TMEM132A: variants seen among roughly 807,000 people sequenced by gnomAD.
TMEM132A encodes transmembrane protein 132A, also known as GRP78-binding protein.
A neutral mutation model predicts 69.9 loss-of-function variants in TMEM132A; 48 were observed. The observed-to-expected ratio is 0.69, with a 90% CI of 0.55 to 0.87. The LOEUF is 0.87. TMEM132A is among the 40% of genes least tolerant of loss of function. The pLI, the probability that TMEM132A is intolerant of heterozygous loss-of-function variation, is 0.00. For synonymous variants in TMEM132A, 577 were observed against 613.7 expected (o/e 0.94, Z 0.88); for missense variants, 1,287 against 1,407.2 (o/e 0.91, Z 1.37).
intron 1 of TMEM132A, 142 bp downstream of exon 1, chr11:60,924,875 G>A (rs1293203799): frequency 8.1e-6 from 5 of 617,236 alleles, no homozygotes; most frequent in East Asian, 3.3e-5. Context: ...AGGTCGGAGA[G>A]TTCTTGCCCT....
intron 5 of TMEM132A, among the ~76,000 whole-genome samples, chr11:60,931,277 T>C (rs1027063508): frequency 2.0e-5 from 3 of 152,126 alleles, no homozygotes; most frequent in African/African-American, 4.8e-5. Context: ...AGCACATAGG[T>C]TTTTGTTTGA....
intron 4 of TMEM132A, among the ~76,000 whole-genome samples, chr11:60,929,196 C>T (rs1856422367): frequency 6.6e-6 from 1 of 152,226 alleles, no homozygotes; most frequent in African/African-American, 2.4e-5. Flanking sequence ...CTGGCACCTC[C>T]CTGAGATTCC....
chr11:60,931,899 A>T lies in TMEM132A; in HGVS notation c.1212+15A>T. The T allele has an allele frequency of 6.2e-7, 1 of 1,614,200 alleles. No homozygotes were observed. Among genetic ancestry groups the T allele is most frequent in the Non-Finnish European group, 8.5e-7 (1 of 1,180,028 alleles). ...CACTGGCCAAGGTAAGGAGACCTCC[A>T]TCTCTGCCTGGGAAGGCTGGAGGCC... On this transcript the variant is annotated intron_variant, in intron 6 of 10. Coordinates refer to ENST00000453848, the MANE Select transcript of TMEM132A (RefSeq NM_178031.3).
At position 60,935,684 on chromosome 11, in the gene TMEM132A, G is replaced by C; in HGVS notation, c.2029-180G>C. Reference sequence around the variant, plus strand: ...ACCCTCCCAATAACTCAGACCCTAGGGCTGAGTGGCAGACAGGTGATTGAC... The same window carrying C: ...ACCCTCCCAATAACTCAGACCCTAGCGCTGAGTGGCAGACAGGTGATTGAC... On this transcript the variant is annotated intron_variant, in intron 10 of 10. Transcript: ENST00000453848. This position sits in a 1 kb window ranked among gnomAD's most constrained non-coding sequence, Gnocchi z 5.0. 1.2e-6 allele frequency: 1 copy of C among 832,826 alleles called. No individual in the cohort carries two copies. Among genetic ancestry groups the C allele is most frequent in the Non-Finnish European group, 1.9e-6 (1 of 539,756 alleles). 51.6% of individuals were successfully genotyped at this position (832,826 alleles called of 1,614,324 possible).
rs1033276643 is a variant in TMEM132A, at chr11:60,934,248, G to T, written c.1560-240G>T. On this transcript the variant is annotated intron_variant, in intron 8 of 10. Transcript: ENST00000453848. Reference sequence around the variant, plus strand: ...CCCCGTAAGAGAGCGTCTCCCCTGCGGTCCACTTGGGAGCAAGAGCGGTGA... The same window carrying T: ...CCCCGTAAGAGAGCGTCTCCCCTGCTGTCCACTTGGGAGCAAGAGCGGTGA... The T allele has an allele frequency of 9.6e-6, 4 of 415,840 alleles. No homozygotes were observed. In the Admixed American group the frequency reaches 1.8e-4, roughly 19 times the overall value. 25.8% of individuals were successfully genotyped at this position (415,840 alleles called of 1,614,324 possible).
In TMEM132A at chr11:60,936,893, C is replaced by G. The variant is rs1364819356; in HGVS notation, c.3058C>G (p.Arg1020Gly). ...GCTTCGCAACTACATGGAGAGGATC[C>G]GGGGCAGCTCCTGACCCTCCACAGC... Reference protein sequence around the residue: ...EELRNYMERIRGSS With the variant: ...EELRNYMERIGGSS The change falls in exon 11 of 11, where the codon CGG (arginine) becomes GGG (glycine). Residue 1020 changes from arginine to glycine, a missense_variant. Coordinates refer to ENST00000453848, the MANE Select transcript of TMEM132A (RefSeq NM_178031.3). The G allele has an allele frequency of 3.9e-6, 6 of 1,550,178 alleles. No individual in the cohort carries two copies. The highest frequency in any genetic ancestry group is 5.2e-6 in the Non-Finnish European group (6 of 1,147,862).
In TMEM132A at chr11:60,936,267, T is replaced by C; in HGVS notation, c.2432T>C (p.Phe811Ser). The C allele has an allele frequency of 6.2e-7, 1 of 1,613,928 alleles. No individual in the cohort carries two copies. Among genetic ancestry groups the C allele is most frequent in the Non-Finnish European group, 8.5e-7 (1 of 1,179,928 alleles). Residue 811 changes from phenylalanine (F) to serine (S), a missense_variant, in exon 11 of 11, where the codon TTT becomes TCT. Transcript: ENST00000453848. Reference sequence around the variant, plus strand: ...GGCAACACAGGTGTGAGGGGCAAGTTTGAGCGGGCAGAGGAGGAGGCCAGG... The same window carrying C: ...GGCAACACAGGTGTGAGGGGCAAGTCTGAGCGGGCAGAGGAGGAGGCCAGG... The part of the protein sequence containing the change: ...VGGNTGVRGK[F>S]ERAEEEARKE...
rs73493071 is a variant in TMEM132A at position 60,930,405 on chromosome 11, G to A, written c.867-105G>A. 10,343 of 1,341,440 alleles carry A rather than the reference G, an allele frequency of 7.7e-3. 414 individuals carry two copies. The African/African-American group carries it at 0.096, about 12-fold the overall frequency. The allele number at this position is 1,341,440 out of a possible 1,614,324, so 83.1% of individuals were successfully genotyped here. A position where few individuals can be genotyped will look rare whatever the true frequency, so the allele number is the denominator to read the frequency against. On this transcript the variant is annotated intron_variant, in intron 4 of 10. Coordinates refer to ENST00000453848, the MANE Select transcript of TMEM132A (RefSeq NM_178031.3). ...GGATGGTGAAGAGGAGATTCAGACT[G>A]GAGCCAGGGAGGTCAGATGGCTTTG...
intron 8 of TMEM132A, 95 bp from the exon 9 acceptor site, chr11:60,934,393 C>T (rs917603000): frequency 7.8e-6 from 9 of 1,154,782 alleles, no homozygotes; most frequent in African/African-American, 1.6e-5. Flanking sequence ...GATTAGGAGC[C>T]GCCGGGGACG....
intron 4 of TMEM132A, among the ~76,000 whole-genome samples, 193 bp from the exon 5 acceptor site, chr11:60,930,317 T>C (rs966428125): frequency 6.6e-6 from 1 of 151,950 alleles, no homozygotes; most frequent in African/African-American, 2.4e-5. Context: ...GCGTAAGTGG[T>C]CTTTGGGTGG....
chr11:60,928,963 G>A lies in TMEM132A; in HGVS notation c.866+3G>A, dbSNP rs766448338. The A allele has an allele frequency of 5.6e-6, 9 of 1,611,900 alleles. No individual in the cohort carries two copies. Among genetic ancestry groups the A allele is most frequent in the Non-Finnish European group, 6.8e-6 (8 of 1,180,000 alleles). ...ACAGCCAGCCTCCTGACCCTGCGGT[G>A]AGCACCAGGCCACGGGGATGGGTGA... On this transcript the variant is annotated splice_donor_region_variant and intron_variant, in intron 4 of 10. Transcript: ENST00000453848.
rs758146851 is a variant in TMEM132A at position 60,932,142 on chromosome 11, C to T, written c.1356+15C>T. 9 of 1,523,452 alleles carry T rather than the reference C, an allele frequency of 5.9e-6. No homozygotes were observed. The highest frequency in any genetic ancestry group is 4.0e-5 in the South Asian group (3 of 75,736). 94.4% of individuals were successfully genotyped at this position (1,523,452 alleles called of 1,614,324 possible). A position where few individuals can be genotyped will look rare whatever the true frequency, so the allele number is the denominator to read the frequency against. ...AGGTCCTGCAGGTGAGTGGCAGGTG[C>T]CCAGCTCATGTGAGTCTGCATTTGT... On this transcript the variant is annotated intron_variant, in intron 7 of 10. Transcript: ENST00000453848.
At chr11:60,934,285 C>T (rs1406726415) in intron 8 of TMEM132A, 7 of 450,114 alleles carry the variant, frequency 1.6e-5, no homozygotes, top group African/African-American at 2.1e-5. Context: ...CGAGGCACAG[C>T]GCCAGTCGGG....
Position 60,935,666 on chromosome 11 carries a change from C to T in TMEM132A, c.2029-198C>T. On this transcript the variant is annotated intron_variant, in intron 10 of 10. Transcript: ENST00000453848. The surrounding 1 kb of genome is among the most constrained non-coding windows in gnomAD (Gnocchi z 5.0). Reference sequence around the variant, plus strand: ...AGATGGCTCTAACTGAGGACCCTCCCAATAACTCAGACCCTAGGGCTGAGT... The same window carrying T: ...AGATGGCTCTAACTGAGGACCCTCCTAATAACTCAGACCCTAGGGCTGAGT... The T allele has an allele frequency of 1.3e-6, 1 of 784,678 alleles. No homozygotes were observed. The allele number at this position is 784,678 out of a possible 1,614,324, so 48.6% of individuals were successfully genotyped here.
chr11:60,930,858 C>T (rs1850500376), intron 5 of TMEM132A, among the ~76,000 whole-genome samples, 199 bp downstream of exon 5: 1 of 152,212 alleles, frequency 6.6e-6, no homozygotes, highest in Admixed American at 6.5e-5. Context: ...TTCCCAGCCC[C>T]AGCCATGTGC....
In TMEM132A at chr11:60,928,767, A is replaced by C; in HGVS notation, c.673A>C (p.Asn225His). The C allele has an allele frequency of 6.2e-7, 1 of 1,609,058 alleles. No individual in the cohort carries two copies. Among genetic ancestry groups the C allele is most frequent in the East Asian group, 2.2e-5 (1 of 44,784 alleles). Residue 225 changes from asparagine to histidine, a missense_variant, in exon 4 of 11, where the codon AAC becomes CAC. By Grantham distance (68) the Asn-to-His change is moderately conservative (BLOSUM62 1). Coordinates refer to ENST00000453848, the MANE Select transcript of TMEM132A (RefSeq NM_178031.3). ...GPGGCGSGEE[N>H]DPGEQALPVG... ...TGGGGGCTGTGGCTCCGGCGAGGAG[A>C]ACGACCCTGGGGAGCAGGCCCTCCC...
Position 60,928,527 on chromosome 11 carries a change from A to G in TMEM132A, c.535-102A>G, listed in dbSNP as rs1856399813. On this transcript the variant is annotated intron_variant, in intron 3 of 10. Coordinates refer to ENST00000453848, the MANE Select transcript of TMEM132A (RefSeq NM_178031.3). ...CCGGCCCATGCTGGGCCTCCCTTTCATGAGCCCCTCCAGCTCTGGGTTTCC... is the reference window on the plus strand; with the variant it reads ...CCGGCCCATGCTGGGCCTCCCTTTCGTGAGCCCCTCCAGCTCTGGGTTTCC... 10 of 1,138,528 alleles carry G rather than the reference A, an allele frequency of 8.8e-6. No individual in the cohort carries two copies. The South Asian group carries it at 1.4e-4, about 16-fold the overall frequency. The allele number at this position is 1,138,528 out of a possible 1,614,324, so 70.5% of individuals were successfully genotyped here. A position where few individuals can be genotyped will look rare whatever the true frequency, so the allele number is the denominator to read the frequency against.
chr11:60,927,159 C>A, intron 1 of TMEM132A, 45 bp from the exon 2 acceptor site: 2 of 1,558,184 alleles, frequency 1.3e-6, no homozygotes, highest in Non-Finnish European at 8.8e-7. Context: ...TCAGCCCCTG[C>A]CAGCTCTGGA....
intron 5 of TMEM132A, among the ~76,000 whole-genome samples, chr11:60,931,148 TA>T (rs1341176560): frequency 3.9e-4 from 59 of 152,236 alleles, no homozygotes; most frequent in Non-Finnish European, 8.8e-5. Context: ...GCAAGCCAGT[TA>T]ACATTCCCCT....
Sources: gnomAD v4.1 joint callset for allele counts (sites outside exome capture counted in the v4.1 genomes callset) on GRCh38, gnomAD v4.1.1 for gene constraint, Gnocchi (gnomAD v3.1) non-coding constraint, MANE v1.5 for transcripts, NCBI Gene and HGNC (gene_info 2026-07-23, HGNC 2026-07-21) for gene names.